Variants in SPON1 observed in about 807,000 individuals in gnomAD.
SPON1 encodes spondin 1, also known as spondin-1.
A neutral mutation model predicts 111.7 loss-of-function variants in SPON1; 52 were observed. That is an observed-to-expected ratio of 0.47 (90% CI 0.37 to 0.59). The LOEUF (loss-of-function observed/expected upper bound fraction) is 0.59, where lower values mean the gene tolerates loss of function less well. SPON1 is among the 20% of genes least tolerant of loss of function. SPON1 has a pLI of 0.00. For missense variants in SPON1, 957 were observed against 1,068.5 expected (o/e 0.90, Z 1.46); for synonymous variants, 410 against 395.8 (o/e 1.04, Z -0.43).
At chr11:14,177,069 C>T (rs113349492) in intron 6 of SPON1, among the ~76,000 whole-genome samples, 271 of 152,238 alleles carry the variant, frequency 1.8e-3, no homozygotes, top group Non-Finnish European at 2.3e-3. Flanking sequence ...GAGATGGTGT[C>T]TCGCTCTGTC....
chr11:13,981,922 G>A (rs938589947), intron 1 of SPON1, among the ~76,000 whole-genome samples: 1 of 152,178 alleles, frequency 6.6e-6, no homozygotes, highest in Non-Finnish European at 1.5e-5. Flanking sequence ...GCAGGGTCAT[G>A]TGGAAAGCTT....
chr11:14,177,639 G>A (rs1848192767), intron 6 of SPON1, among the ~76,000 whole-genome samples: 1 of 152,180 alleles, frequency 6.6e-6, no homozygotes, highest in African/African-American at 2.4e-5. Flanking sequence ...TGTGGCTAAT[G>A]TTAGTTCTAC....
intron 6 of SPON1, among the ~76,000 whole-genome samples, chr11:14,173,413 T>G (rs1372517054): frequency 6.6e-6 from 1 of 152,172 alleles, no homozygotes; most frequent in Non-Finnish European, 1.5e-5. Context: ...TTTCAAGGTT[T>G]TTAATTGCTT....
intron 6 of SPON1, among the ~76,000 whole-genome samples, chr11:14,226,554 T>C (rs1433245542): frequency 6.6e-6 from 1 of 152,238 alleles, no homozygotes; most frequent in Non-Finnish European, 1.5e-5. Context: ...AAATTCGACG[T>C]ACAATTTTTA....
chr11:14,243,244 TG>T, intron 6 of SPON1, 87 bp from the exon 7 acceptor site: 2 of 1,244,666 alleles, frequency 1.6e-6, no homozygotes, highest in African/African-American at 1.5e-5. Flanking sequence ...GGTGAGGGAG[TG>T]GGGGTGAATG....
chr11:13,997,959 C>G (rs1457024184), intron 2 of SPON1, among the ~76,000 whole-genome samples: 1 of 152,078 alleles, frequency 6.6e-6, no homozygotes, highest in Non-Finnish European at 1.5e-5. Flanking sequence ...CTAGTTGCTT[C>G]GTATACTTTA....
intron 6 of SPON1, among the ~76,000 whole-genome samples, chr11:14,166,991 A>G (rs1848037636): frequency 6.6e-6 from 1 of 152,124 alleles, no homozygotes; most frequent in African/African-American, 2.4e-5. Context: ...TAAAGACACA[A>G]TTGACAAGGA....
chr11:14,161,705 A>G (rs1176194050), intron 6 of SPON1, among the ~76,000 whole-genome samples: 1 of 152,162 alleles, frequency 6.6e-6, no homozygotes, highest in Non-Finnish European at 1.5e-5. Flanking sequence ...CATATAGTTT[A>G]TTGAATACTA....
At chr11:14,085,528 C>A (rs989826475) in intron 5 of SPON1, among the ~76,000 whole-genome samples, 2 of 152,138 alleles carry the variant, frequency 1.3e-5, no homozygotes, top group African/African-American at 4.8e-5. Flanking sequence ...GGTACCAGTA[C>A]CATGCTGCTT....
At chr11:14,020,981 A>G (rs1447012126) in intron 2 of SPON1, among the ~76,000 whole-genome samples, 3 of 152,190 alleles carry the variant, frequency 2.0e-5, no homozygotes, top group Non-Finnish European at 4.4e-5. Flanking sequence ...GTAATTTAAA[A>G]AGATTTGGCA....
chr11:14,219,462 T>C (rs1848657661), intron 6 of SPON1, among the ~76,000 whole-genome samples: 1 of 152,194 alleles, frequency 6.6e-6, no homozygotes, highest in African/African-American at 2.4e-5. Flanking sequence ...TCGATGCAGA[T>C]GATATGAGTT....
rs1554925675 is a variant in SPON1, at chr11:14,113,596, T to A, written c.677-21824T>A. On this transcript the variant is annotated intron_variant, in intron 5 of 15. Coordinates refer to ENST00000576479, the MANE Select transcript of SPON1 (RefSeq NM_006108.4). ...TTTTTTTTTTTTTTTTTTTTTTTTT[T>A]TTTTTTTTTTTTTTTTTTTTTTTTG... 5.4e-4 allele frequency among the ~76,000 whole-genome samples: 23 copies of A among 42,626 alleles called. 3 individuals carry two copies. Among genetic ancestry groups the A allele is most frequent in the African/African-American group, 1.7e-3 (21 of 12,500 alleles). 28.0% of individuals were successfully genotyped at this position (42,626 alleles called of 152,430 possible).
intron 2 of SPON1, among the ~76,000 whole-genome samples, chr11:13,997,100 T>G (rs534829648): frequency 6.6e-6 from 1 of 152,330 alleles, no homozygotes; most frequent in East Asian, 1.9e-4. Flanking sequence ...AAAGTTTCTC[T>G]CTCTGTACAT....
chr11:14,150,901 T>C (rs1446975251), intron 6 of SPON1, among the ~76,000 whole-genome samples: 3 of 152,138 alleles, frequency 2.0e-5, no homozygotes, highest in Non-Finnish European at 4.4e-5. Context: ...ATGCTAAAAT[T>C]ACCTCCTTTC....
intron 6 of SPON1, among the ~76,000 whole-genome samples, chr11:14,199,802 A>C (rs1321674974): frequency 2.0e-5 from 3 of 152,164 alleles, no homozygotes; most frequent in African/African-American, 7.2e-5. Flanking sequence ...ATCACTCTGG[A>C]GGGTGCAAGC....
intron 6 of SPON1, among the ~76,000 whole-genome samples, chr11:14,160,533 A>T (rs868941777): frequency 1.4e-4 from 2 of 13,980 alleles, no homozygotes; most frequent in Admixed American, 1.5e-3. Context: ...ACATATATAT[A>T]TTTATATATA....
intron 2 of SPON1, among the ~76,000 whole-genome samples, chr11:14,023,388 TA>T (rs1398726087): frequency 1.4e-5 from 2 of 141,066 alleles, no homozygotes; most frequent in African/African-American, 4.9e-5. Context: ...ACTGTGAAGG[TA>T]AAACTGACAG....
intron 8 of SPON1, 119 bp downstream of exon 8, chr11:14,254,848 G>C: frequency 9.9e-7 from 1 of 1,008,522 alleles, no homozygotes; most frequent in Non-Finnish European, 1.5e-6. Context: ...TCTGGCTGGG[G>C]AGGCTGGCAT....
chr11:14,077,428 AT>A (rs1247441017), intron 4 of SPON1, among the ~76,000 whole-genome samples: 69 of 149,238 alleles, frequency 4.6e-4, no homozygotes, highest in Middle Eastern at 3.4e-3. Flanking sequence ...CACATACTTT[AT>A]TTTTTTTTTT....
Sources: allele counts gnomAD v4.1 joint callset (sites outside exome capture counted in the v4.1 genomes callset), GRCh38; gene constraint gnomAD v4.1.1; transcripts MANE v1.5; gene names NCBI Gene and HGNC (gene_info 2026-07-23, HGNC 2026-07-21).